Variants in ATXN7 observed in about 807,000 individuals in gnomAD.
ATXN7 encodes the protein ataxin 7.
A neutral mutation model predicts 70.5 loss-of-function variants in ATXN7; 12 were observed. That is an observed-to-expected ratio of 0.17 (90% confidence interval 0.11 to 0.28). The LOEUF (loss-of-function observed/expected upper bound fraction) is 0.28. Ranked by LOEUF, ATXN7 falls within the 10% of genes least tolerant of loss-of-function variation. The pLI is 1.00. For synonymous variants in ATXN7, 498 were observed against 448.7 expected, an observed-to-expected ratio of 1.11 and a Z score of -1.39; for missense variants, 1,256 against 1,131.7, an observed-to-expected ratio of 1.11 and a Z score of -1.58.
chr3:63,891,238 G>C (rs1703253691), intron 1 of ATXN7, among the ~76,000 whole-genome samples: 1 of 152,030 alleles, frequency 6.6e-6, no homozygotes, highest in Non-Finnish European at 1.5e-5. Context: ...TGGAACTCCT[G>C]ATCTCAGTGA....
rs561704886 is a variant in ATXN7 at position 63,868,791 on chromosome 3, T to A, written c.-111+4633T>A. On this transcript the variant is annotated intron_variant, in intron 1 of 12. Coordinates refer to ENST00000674280, the MANE Select transcript of ATXN7 (RefSeq NM_001377405.1). ...AAACTAAAATACTGCACATGTACTT[T>A]ATAGTCCATCACCCCTAAAAGTGCT... is the stretch of plus-strand genomic sequence containing the variant. Among the ~76,000 whole-genome samples, 604 of 152,320 alleles carry A rather than the reference T, an allele frequency of 4.0e-3. 4 individuals carry two copies. Among genetic ancestry groups the A allele is most frequent in the African/African-American group, 0.013 (559 of 41,558 alleles).
At chr3:63,920,373 G>A (rs966729448) in intron 4 of ATXN7, among the ~76,000 whole-genome samples, 1 of 152,082 alleles carries the variant, frequency 6.6e-6, no homozygotes, top group African/African-American at 2.4e-5. Flanking sequence ...AGGAAACTAC[G>A]ACTCAGAAAA....
intron 5 of ATXN7, among the ~76,000 whole-genome samples, chr3:63,965,897 CCATT>C (rs879542734): frequency 1.3e-5 from 2 of 152,152 alleles, no homozygotes; most frequent in Admixed American, 1.3e-4. Flanking sequence ...GCATACACGA[CCATT>C]CATCCCTTTT....
intron 4 of ATXN7, among the ~76,000 whole-genome samples, chr3:63,945,939 A>C (rs2074851555): frequency 6.6e-6 from 1 of 152,192 alleles, no homozygotes; most frequent in African/African-American, 2.4e-5. Flanking sequence ...TCAGGAACAA[A>C]ACCAAGGCCA....
chr3:63,979,860 AC>A, intron 5 of ATXN7, 54 bp from the exon 6 acceptor site: 1 of 1,601,010 alleles, frequency 6.2e-7, no homozygotes, highest in East Asian at 2.2e-5. Context: ...TTCCAGAATT[AC>A]ATTTGAGATT....
chr3:63,922,927 G>A (rs1034032724), intron 4 of ATXN7, among the ~76,000 whole-genome samples: 1 of 152,148 alleles, frequency 6.6e-6, no homozygotes, highest in Non-Finnish European at 1.5e-5. Context: ...GGCCAATTTT[G>A]TATTTTCAGT....
chr3:63,992,933 A>G (rs1012269729), intron 11 of ATXN7, among the ~76,000 whole-genome samples: 7 of 152,150 alleles, frequency 4.6e-5, no homozygotes, highest in East Asian at 1.9e-4. Flanking sequence ...CCAGAGAACT[A>G]TTCTCACCTG....
intron 4 of ATXN7, among the ~76,000 whole-genome samples, chr3:63,934,215 C>A (rs1374116579): frequency 6.6e-6 from 1 of 152,180 alleles, no homozygotes; most frequent in Non-Finnish European, 1.5e-5. Context: ...TGCTGGCAGC[C>A]TCTTCCACCT....
intron 5 of ATXN7, among the ~76,000 whole-genome samples, chr3:63,962,904 A>G (rs973164867): frequency 7.6e-6 from 1 of 130,960 alleles, no homozygotes; most frequent in Non-Finnish European, 1.6e-5. Context: ...AGAATTTTGT[A>G]TTTCTTTTTT....
At chr3:63,938,448 A>G (rs1316016265) in intron 4 of ATXN7, among the ~76,000 whole-genome samples, 1 of 152,218 alleles carries the variant, frequency 6.6e-6, no homozygotes, top group Admixed American at 6.5e-5. Context: ...ACCAGCAGTT[A>G]ACACTCCCCT....
chr3:63,871,235 C>G (rs1383803277), intron 1 of ATXN7, among the ~76,000 whole-genome samples: 1 of 152,028 alleles, frequency 6.6e-6, no homozygotes, highest in African/African-American at 2.4e-5. Flanking sequence ...TCCAAATGTA[C>G]AGTAAATACA....
chr3:63,996,825 T>C (rs2075768454), intron 12 of ATXN7, among the ~76,000 whole-genome samples: 1 of 152,178 alleles, frequency 6.6e-6, no homozygotes, highest in Admixed American at 6.5e-5. Context: ...TAATGTGTTA[T>C]CCCAGTGCTG....
chr3:63,912,651 C>T lies in ATXN7; in HGVS notation c.53C>T (p.Ala18Val). The change falls in exon 3 of 13, where the codon GCG (alanine) becomes GTG (valine). Residue 18 changes from alanine to valine, a missense_variant. Ala to Val is a moderately conservative substitution (Grantham distance 64, BLOSUM62 0). Transcript: ENST00000674280. ...DVRGEPRRAA[A>V]AAGGAAAAAA... is the part of the protein sequence containing the mutation. Reference sequence around the variant, plus strand: ...AGGGGGGAGCCGCGCCGCGCGGCGGCGGCGGCGGGCGGAGCAGCGGCCGCG... The same window carrying T: ...AGGGGGGAGCCGCGCCGCGCGGCGGTGGCGGCGGGCGGAGCAGCGGCCGCG... 1 of 1,034,732 alleles carries T rather than the reference C, an allele frequency of 9.7e-7. No homozygotes were observed. Among genetic ancestry groups the T allele is most frequent in the Non-Finnish European group, 1.2e-6 (1 of 858,594 alleles). 64.1% of individuals were successfully genotyped at this position (1,034,732 alleles called of 1,614,324 possible). A position where few individuals can be genotyped will look rare whatever the true frequency, so the allele number is the denominator to read the frequency against.
intron 4 of ATXN7, among the ~76,000 whole-genome samples, chr3:63,933,872 C>A (rs534865699): frequency 2.1e-4 from 31 of 150,900 alleles, no homozygotes; most frequent in Admixed American, 2.0e-3. Flanking sequence ...TCATAACTGT[C>A]GTTACCTATT....
At chr3:63,927,861 C>A (rs1301972772) in intron 4 of ATXN7, among the ~76,000 whole-genome samples, 3 of 152,196 alleles carry the variant, frequency 2.0e-5, no homozygotes, top group African/African-American at 7.2e-5. Context: ...AGCCCCATGT[C>A]TGGTGAGCTT....
In ATXN7 at chr3:63,954,086, C is replaced by A. The variant is rs73834147; in HGVS notation, c.499+1603C>A. On this transcript the variant is annotated intron_variant, in intron 5 of 12. Transcript: ENST00000674280. ...TCCTTTATTTAACCATAAAAAGATT[C>A]TTTGAGTTCCTGCTTCTAGGAGAAG... Among the ~76,000 whole-genome samples the A allele has an allele frequency of 5.0e-3, 768 of 152,234 alleles. 4 individuals are homozygous for A. The highest frequency in any genetic ancestry group is 0.018 in the African/African-American group (730 of 41,534).
At chr3:63,950,824 T>C (rs2074941254) in intron 4 of ATXN7, among the ~76,000 whole-genome samples, 1 of 152,200 alleles carries the variant, frequency 6.6e-6, no homozygotes, top group South Asian at 2.1e-4. Context: ...CAGAAGTCTG[T>C]AGTCTACTGG....
At chr3:63,982,074 C>T (rs2075497271) in intron 6 of ATXN7, 112 bp from the exon 7 acceptor site, 1 of 1,390,848 alleles carries the variant, frequency 7.2e-7, no homozygotes, top group African/African-American at 1.9e-5. Flanking sequence ...GAGGCTGGCC[C>T]TGTGCAGCGC....
chr3:63,884,200 T>A (rs1703001244), intron 1 of ATXN7, among the ~76,000 whole-genome samples: 1 of 65,088 alleles, frequency 1.5e-5, no homozygotes. Context: ...GAAAATAACA[T>A]GCGCACACAC....
Sources: allele counts gnomAD v4.1 joint callset (sites outside exome capture counted in the v4.1 genomes callset), GRCh38; gene constraint gnomAD v4.1.1; transcripts MANE v1.5; gene names NCBI Gene and HGNC (gene_info 2026-07-23, HGNC 2026-07-21).